Variants in ESYT3 observed in about 807,000 individuals in gnomAD.
ESYT3 encodes the protein extended synaptotagmin-3.
A neutral mutation model predicts 111.5 loss-of-function variants in ESYT3; 101 were observed. The ratio of observed to expected loss-of-function variants is 0.91; its 90% CI spans 0.77 to 1.07. The LOEUF (loss-of-function observed/expected upper bound fraction) is 1.07, where lower values mean the gene tolerates loss of function less well. ESYT3 is among the 50% of genes least tolerant of loss of function. The pLI, the probability that ESYT3 is intolerant of heterozygous loss-of-function variation, is 0.00. For missense variants in ESYT3, 1,097 were observed against 1,109.4 expected, an observed-to-expected ratio of 0.99 and a Z score of 0.16; for synonymous variants, 416 against 446.8, an observed-to-expected ratio of 0.93 and a Z score of 0.87.
chr3:138,477,401 C>T lies in ESYT3; in HGVS notation c.*547C>T, dbSNP rs1027566872. On this transcript the variant is annotated 3_prime_UTR_variant, in exon 23 of 23. Coordinates refer to ENST00000389567, the MANE Select transcript of ESYT3 (RefSeq NM_031913.5). ...GCCCTTCTGGCTGCCACCTGTGGTA[C>T]TTGTATGCCTGGATATTTGTTCTTT... The T allele has an allele frequency of 6.6e-6, 1 of 152,478 alleles. No homozygotes were observed. Among genetic ancestry groups the T allele is most frequent in the African/African-American group, 2.4e-5 (1 of 41,442 alleles). 9.4% of individuals were successfully genotyped at this position (152,478 alleles called of 1,614,324 possible). A position where few individuals can be genotyped will look rare whatever the true frequency, so the allele number is the denominator to read the frequency against.
At chr3:138,468,769 A>C in intron 13 of ESYT3, 50 bp from the exon 14 acceptor site, 1 of 1,613,734 alleles carries the variant, frequency 6.2e-7, no homozygotes, top group South Asian at 1.1e-5. Context: ...AGTGCCCATC[A>C]CTTTCAAATT....
Position 138,472,442 on chromosome 3 carries a change from A to G in ESYT3, c.1820A>G (p.Lys607Arg). ...CTAAAGAAAGGCCCTCTGCTCATCA[A>G]GAAAGTGGCTACCAACCAGGGTCCC... ...EALKKGPLLIKKVATNQGPKA... is the reference protein window; with the variant it reads ...EALKKGPLLIRKVATNQGPKA... Residue 607 changes from lysine (K) to arginine (R), a missense_variant, in exon 18 of 23, where the codon AAG becomes AGG. Transcript: ENST00000389567. 1 of 1,614,228 alleles carries G rather than the reference A, an allele frequency of 6.2e-7. No individual in the cohort carries two copies. Among genetic ancestry groups the G allele is most frequent in the Non-Finnish European group, 8.5e-7 (1 of 1,180,046 alleles).
chr3:138,450,632 A>G (rs1168721884), intron 1 of ESYT3, among the ~76,000 whole-genome samples: 3 of 152,112 alleles, frequency 2.0e-5, no homozygotes, highest in Non-Finnish European at 4.4e-5. Flanking sequence ...GAAGCACTGA[A>G]CTCCTCTGAC....
rs1174186698 is a variant in ESYT3, at chr3:138,435,323, C to G, written c.327+198C>G. On this transcript the variant is annotated intron_variant, in intron 1 of 22. Transcript: ENST00000389567. The surrounding 1 kb of genome is among the most constrained non-coding windows in gnomAD (Gnocchi z 4.8). ...CCCCTCCCGCGGCGCGCAGCACCCT[C>G]ACGTCCACCTCTGGTCCGACTGCGG... Among the ~76,000 whole-genome samples, 4 of 152,194 alleles carry G rather than the reference C, an allele frequency of 2.6e-5. No homozygotes were observed. Among genetic ancestry groups the G allele is most frequent in the South Asian group, 4.1e-4 (2 of 4,828 alleles).
chr3:138,454,151 G>T (rs951824341), intron 2 of ESYT3, among the ~76,000 whole-genome samples: 4 of 152,206 alleles, frequency 2.6e-5, no homozygotes, highest in Admixed American at 2.0e-4. Flanking sequence ...AGGAGGCTGT[G>T]GTGGGAAATC....
rs184436322 is a variant in ESYT3, at chr3:138,478,090, C to A, written c.*1236C>A. 8 of 152,304 alleles carry A rather than the reference C, an allele frequency of 5.3e-5. No homozygotes were observed. The highest frequency in any genetic ancestry group is 8.8e-5 in the Non-Finnish European group (6 of 68,032). 9.4% of individuals were successfully genotyped at this position (152,304 alleles called of 1,614,324 possible). A position where few individuals can be genotyped will look rare whatever the true frequency, so the allele number is the denominator to read the frequency against. On this transcript the variant is annotated 3_prime_UTR_variant, in exon 23 of 23. Transcript: ENST00000389567. ...TCAATCCATAGTGAAATGGACTCTT[C>A]CTACCGCCTGTAGCATTTACTGTTG...
chr3:138,468,177 C>A lies in ESYT3; in HGVS notation c.1291C>A (p.Gln431Lys), dbSNP rs1370561562. Reference sequence around the variant, plus strand: ...GGAGTGGCTTTCATTGCTTACTGACCAAGAAGTTCTGACTGAGGTGAGTGT... The same window carrying A: ...GGAGTGGCTTTCATTGCTTACTGACAAAGAAGTTCTGACTGAGGTGAGTGT... ...RLEWLSLLTD[Q>K]EVLTEDHGGL... The change falls in exon 12 of 23, where the codon CAA becomes AAA. Residue 431 changes from glutamine to lysine, a missense_variant. Transcript: ENST00000389567. The A allele has an allele frequency of 1.9e-6, 3 of 1,614,026 alleles. No homozygotes were observed. Among genetic ancestry groups the A allele is most frequent in the Non-Finnish European group, 2.5e-6 (3 of 1,180,028 alleles).
chr3:138,472,506 A>G lies in ESYT3; in HGVS notation c.1884A>G (p.Pro628=), dbSNP rs375321194. The part of the protein sequence containing the change: ...QPQEEGPTDL[P]CPPDPASDTK... The stretch of plus-strand genomic sequence containing the variant: ...AGGAAGAAGGCCCTACAGATTTGCC[A>G]TGTCCCCCAGACCCTGCTTCTGATA... The change falls in exon 18 of 23, where the codon CCA becomes CCG. Residue 628 remains proline (P), a synonymous_variant. Transcript: ENST00000389567. 1 of 1,614,204 alleles carries G rather than the reference A, an allele frequency of 6.2e-7. No homozygotes were observed. The highest frequency in any genetic ancestry group is 8.5e-7 in the Non-Finnish European group (1 of 1,180,030).
chr3:138,462,458 T>G (rs1291367699), intron 8 of ESYT3: 8 of 561,028 alleles, frequency 1.4e-5, no homozygotes, highest in Non-Finnish European at 2.5e-5. Context: ...TTGTGACAAC[T>G]GACCATGAAT....
intron 2 of ESYT3, among the ~76,000 whole-genome samples, chr3:138,453,502 A>T (rs1338289732): frequency 1.3e-5 from 2 of 152,176 alleles, no homozygotes; most frequent in African/African-American, 2.4e-5. Context: ...TTTGAGAGAG[A>T]TGGGAACAAT....
rs375258765 is a variant in ESYT3 at position 138,471,044 on chromosome 3, C to G, written c.1740+18C>G. On this transcript the variant is annotated intron_variant, in intron 17 of 22. Transcript: ENST00000389567. The stretch of plus-strand genomic sequence containing the variant: ...TGCTTCGGGTAAATCTCTCCGGTCC[C>G]CTGGGGGAGGGGAGGAATAGAGCTC... The G allele has an allele frequency of 3.1e-6, 5 of 1,606,136 alleles. No homozygotes were observed. In the Admixed American group the frequency reaches 5.0e-5, roughly 16 times the overall value.
intron 2 of ESYT3, among the ~76,000 whole-genome samples, chr3:138,454,413 C>G (rs1186599898): frequency 6.6e-6 from 1 of 152,054 alleles, no homozygotes; most frequent in Admixed American, 6.6e-5. Context: ...AAAAAATTCA[C>G]TGGGTGTGGT....
At position 138,469,601 on chromosome 3, in the gene ESYT3, A is replaced by T. The variant is rs190514893; in HGVS notation, c.1503+97A>T. ...AGGGAGGGGAATTAACTTATGGTGA[A>T]TGCCTAGTAGGCACTTGATGTTATT... On this transcript the variant is annotated intron_variant, in intron 15 of 22. Transcript: ENST00000389567. 28 of 944,776 alleles carry T rather than the reference A, an allele frequency of 3.0e-5. 1 individual carries two copies. The Admixed American group carries it at 3.9e-4, about 13-fold the overall frequency. The allele number at this position is 944,776 out of a possible 1,614,324, so 58.5% of individuals were successfully genotyped here.
chr3:138,470,080 C>T lies in ESYT3; in HGVS notation c.1524C>T (p.Asp508=). 1 of 1,613,076 alleles carries T rather than the reference C, an allele frequency of 6.2e-7. No homozygotes were observed. The highest frequency in any genetic ancestry group is 8.5e-7 in the Non-Finnish European group (1 of 1,179,318). Residue 508 remains aspartate, a synonymous_variant, in exon 16 of 23, where the codon GAC becomes GAT. Coordinates refer to ENST00000389567, the MANE Select transcript of ESYT3 (RefSeq NM_031913.5). ...HTSKTCPHNK[D]PVWSQVFSFF... ...CCCAGACCTGTCCCCACAACAAGGA[C>T]CCTGTGTGGAGCCAGGTGTTCTCCT...
Position 138,451,008 on chromosome 3 carries a change from A to G in ESYT3, c.328-1040A>G, listed in dbSNP as rs79181463. ...TTGGTGAACAGTGTTTTGTGCAGGT[A>G]CCCTGTACATGTCCACGCTTACTCC... On this transcript the variant is annotated intron_variant, in intron 1 of 22. Transcript: ENST00000389567. 7.3e-3 allele frequency among the ~76,000 whole-genome samples: 1,109 copies of G among 152,320 alleles called. 9 individuals are homozygous for G. The highest frequency in any genetic ancestry group is 0.025 in the African/African-American group (1,047 of 41,562).
rs1451942649 is a variant in ESYT3, at chr3:138,435,579, G to A, written c.327+454G>A. Among the ~76,000 whole-genome samples the A allele has an allele frequency of 6.6e-6, 1 of 152,130 alleles. No individual in the cohort carries two copies. Among genetic ancestry groups the A allele is most frequent in the African/African-American group, 2.4e-5 (1 of 41,434 alleles). On this transcript the variant is annotated intron_variant, in intron 1 of 22. Coordinates refer to ENST00000389567, the MANE Select transcript of ESYT3 (RefSeq NM_031913.5). The surrounding 1 kb of genome is among the most constrained non-coding windows in gnomAD (Gnocchi z 4.8). ...AGAAACGGCGGGCCCAGTTGCTTTC[G>A]GCCGAGGCCTGGACTGCGGTAGGGG...
intron 19 of ESYT3, 80 bp downstream of exon 19, chr3:138,473,714 G>T: frequency 8.3e-7 from 1 of 1,199,574 alleles, no homozygotes; most frequent in Non-Finnish European, 1.2e-6. Flanking sequence ...TCAGAGCAAT[G>T]AAAAGGGCAC....
intron 9 of ESYT3, 90 bp downstream of exon 9, chr3:138,464,605 T>C (rs2032829867): frequency 3.6e-6 from 5 of 1,378,428 alleles, no homozygotes; most frequent in African/African-American, 1.4e-5. Context: ...GGAGTGGGCC[T>C]TGGAGACAGG....
At chr3:138,452,151 T>C in intron 2 of ESYT3, 62 bp downstream of exon 2, 1 of 1,550,896 alleles carries the variant, frequency 6.4e-7, no homozygotes. Context: ...TCCCCGCGGC[T>C]GTCACCCCCA....
Sources: gnomAD v4.1 joint callset for allele counts (sites outside exome capture counted in the v4.1 genomes callset) on GRCh38, gnomAD v4.1.1 for gene constraint, Gnocchi (gnomAD v3.1) non-coding constraint, MANE v1.5 for transcripts, NCBI Gene and HGNC (gene_info 2026-07-23, HGNC 2026-07-21) for gene names.